LCOR: variants seen among roughly 807,000 people sequenced by gnomAD.
LCOR encodes the protein ligand dependent nuclear receptor corepressor.
Under a neutral mutation model 64.4 loss-of-function variants are expected in LCOR, and 14 were observed. The ratio of observed to expected loss-of-function variants is 0.22; its 90% CI spans 0.14 to 0.34. The LOEUF is 0.34. Among genes scored for constraint, LCOR ranks in the 10% least tolerant of loss-of-function variants. The pLI, the probability that LCOR is intolerant of heterozygous loss-of-function variation, is 1.00. For missense variants in LCOR, 1,686 were observed against 1,765.3 expected, an observed-to-expected ratio of 0.96 and a Z score of 0.80; for synonymous variants, 643 against 642.5, an observed-to-expected ratio of 1.00 and a Z score of -0.01.
At chr10:96,905,808 T>TA (rs950730824) in intron 2 of LCOR, among the ~76,000 whole-genome samples, 2 of 152,156 alleles carry the variant, frequency 1.3e-5, no homozygotes, top group African/African-American at 4.8e-5. Flanking sequence ...TAACAATAAA[T>TA]AAAAAATCTG....
intron 4 of LCOR, among the ~76,000 whole-genome samples, chr10:96,927,587 G>T (rs969233720): frequency 2.0e-5 from 3 of 151,904 alleles, no homozygotes; most frequent in African/African-American, 7.3e-5. Flanking sequence ...TAAAAGTTTA[G>T]TAGTAACTGT....
At chr10:96,863,717 CA>C (rs1319623857) in intron 2 of LCOR, among the ~76,000 whole-genome samples, 2 of 152,152 alleles carry the variant, frequency 1.3e-5, no homozygotes, top group African/African-American at 4.8e-5. Context: ...AAAAGTTGCT[CA>C]AATTTTGCCC....
chr10:96,977,877 C>T (rs564090781), intron 7 of LCOR, among the ~76,000 whole-genome samples: 1 of 152,294 alleles, frequency 6.6e-6, no homozygotes, highest in East Asian at 1.9e-4. Flanking sequence ...TAATTTGATT[C>T]ACTGACAGTA....
At chr10:96,964,408 ATTC>A (rs1279891119) in intron 7 of LCOR, 1 of 152,106 alleles carries the variant, frequency 6.6e-6, no homozygotes. Flanking sequence ...CAAAACCACT[ATTC>A]TTCTAATAAA....
intron 2 of LCOR, among the ~76,000 whole-genome samples, chr10:96,841,951 T>G (rs928910300): frequency 1.3e-5 from 2 of 152,090 alleles, no homozygotes; most frequent in African/African-American, 4.8e-5. Context: ...ACTGTTGTTT[T>G]TGATCTCATG....
At chr10:96,965,984 T>C (rs1044980838) in intron 7 of LCOR, among the ~76,000 whole-genome samples, 7 of 152,048 alleles carry the variant, frequency 4.6e-5, no homozygotes, top group African/African-American at 1.7e-4. Flanking sequence ...ATCTTCAAAT[T>C]GATATTCAGC....
rs765204328 is a variant in LCOR, at chr10:96,984,316, A to G, written c.3856A>G (p.Ile1286Val). ...VSPGPNSEDS[I>V]EEVKEDRNSH... is the part of the protein sequence containing the mutation. ...CCCCGGCCCTAATTCTGAAGACAGC[A>G]TAGAGGAAGTCAAGGAAGATAGAAA... The change falls in exon 8 of 8, where the codon ATA becomes GTA. Residue 1286 changes from isoleucine (I) to valine (V), a missense_variant. Around this residue, in one of 3 missense-constraint regions of LCOR, gnomAD observed 1,293 missense variants for 1,410.4 expected, o/e 0.92. Transcript: ENST00000421806. 6.2e-7 allele frequency: 1 copy of G among 1,614,186 alleles called. No individual in the cohort carries two copies. The highest frequency in any genetic ancestry group is 8.5e-7 in the Non-Finnish European group (1 of 1,180,046).
intron 7 of LCOR, among the ~76,000 whole-genome samples, chr10:96,974,413 G>GT (rs959367374): frequency 3.3e-5 from 5 of 152,176 alleles, no homozygotes; most frequent in Non-Finnish European, 7.3e-5. Flanking sequence ...GACTATTACA[G>GT]AGTCCTCTTG....
At chr10:96,833,512 C>T (rs763792212) in intron 2 of LCOR, 33 bp downstream of exon 2, 61 of 907,412 alleles carry the variant, frequency 6.7e-5, no homozygotes, top group Non-Finnish European at 7.5e-5. Context: ...CCGCTCCGCC[C>T]GCCGCCCCCT....
intron 2 of LCOR, among the ~76,000 whole-genome samples, chr10:96,870,179 C>T (rs914587348): frequency 6.6e-6 from 1 of 151,636 alleles, no homozygotes; most frequent in Non-Finnish European, 1.5e-5. Context: ...CCCGCCACCA[C>T]GCCCGGCTAA....
At chr10:96,946,388 T>C (rs191387698) in intron 5 of LCOR, among the ~76,000 whole-genome samples, 21 of 152,174 alleles carry the variant, frequency 1.4e-4, no homozygotes, top group Non-Finnish European at 2.1e-4. Context: ...AAAGTAAGCT[T>C]TTAGGATATG....
chr10:96,977,561 T>A (rs1848049005), intron 7 of LCOR, among the ~76,000 whole-genome samples: 2 of 152,366 alleles, frequency 1.3e-5, no homozygotes, highest in South Asian at 4.1e-4. Context: ...AATCTTTAAA[T>A]ATTTGCTTTA....
chr10:96,856,420 C>G (rs1845805570), intron 2 of LCOR, among the ~76,000 whole-genome samples: 1 of 151,708 alleles, frequency 6.6e-6, no homozygotes, highest in South Asian at 2.1e-4. Flanking sequence ...TTCCCTTCCT[C>G]TCTTCCCTCC....
At chr10:96,899,365 C>T (rs1022994931) in intron 2 of LCOR, among the ~76,000 whole-genome samples, 3 of 152,198 alleles carry the variant, frequency 2.0e-5, no homozygotes, top group Admixed American at 2.0e-4. Context: ...CCTGTATCCC[C>T]ACACTGCTGA....
chr10:96,832,384 C>G lies in LCOR; in HGVS notation c.-419C>G. 2 of 984,934 alleles carry G rather than the reference C, an allele frequency of 2.0e-6. No homozygotes were observed. The highest frequency in any genetic ancestry group is 2.4e-6 in the Non-Finnish European group (2 of 829,206). The allele number at this position is 984,934 out of a possible 1,614,324, so 61.0% of individuals were successfully genotyped here. On this transcript the variant is annotated 5_prime_UTR_variant, in exon 1 of 8. Transcript: ENST00000421806. Reference sequence around the variant, plus strand: ...AGAACTGGATTCGTGGCGCCACAAGCTCATTCACTGTGTAGGTGAGACCCT... The same window carrying G: ...AGAACTGGATTCGTGGCGCCACAAGGTCATTCACTGTGTAGGTGAGACCCT...
At chr10:96,842,016 A>G (rs1241352309) in intron 2 of LCOR, among the ~76,000 whole-genome samples, 1 of 152,098 alleles carries the variant, frequency 6.6e-6, no homozygotes, top group Non-Finnish European at 1.5e-5. Context: ...AAAAATGATT[A>G]TTGTGTATAG....
At chr10:96,955,092 C>T in intron 7 of LCOR, 1 of 1,614,196 alleles carries the variant, frequency 6.2e-7, no homozygotes. Flanking sequence ...TCGATCCCTG[C>T]AGATTAGTGA....
Position 96,983,530 on chromosome 10 carries a change from G to T in LCOR, c.3070G>T (p.Ala1024Ser). 6.2e-7 allele frequency: 1 copy of T among 1,614,086 alleles called. No homozygotes were observed. The highest frequency in any genetic ancestry group is 8.5e-7 in the Non-Finnish European group (1 of 1,180,006). Residue 1024 changes from alanine (A) to serine (S), a missense_variant, in exon 8 of 8, where the codon GCT (alanine) becomes TCT (serine). Physicochemically the swap from Ala to Ser is moderately conservative, Grantham distance 99. Transcript: ENST00000421806. The surrounding 1 kb of genome is among the most constrained non-coding windows in gnomAD (Gnocchi z 4.5). ...GTCGAGTAGTGGAAGTGGTGATGCT[G>T]CTAGGGCACCAAAATCGGTGCCAAG... is the stretch of plus-strand genomic sequence containing the variant. ...GLSSSGSGDA[A>S]RAPKSVPRPK...
chr10:96,850,929 G>A (rs748136925), intron 2 of LCOR, among the ~76,000 whole-genome samples: 86 of 152,194 alleles, frequency 5.7e-4, no homozygotes, highest in Non-Finnish European at 1.1e-3. Context: ...TACAGCTGAT[G>A]CAAAGGCCCC....
Sources: gnomAD v4.1 joint callset for allele counts (sites outside exome capture counted in the v4.1 genomes callset) on GRCh38, gnomAD v4.1.1 for gene constraint, gnomAD v4.1.1 regional missense constraint, Gnocchi (gnomAD v3.1) non-coding constraint, MANE v1.5 for transcripts, NCBI Gene and HGNC (gene_info 2026-07-23, HGNC 2026-07-21) for gene names.